ABHD3: variants seen among roughly 807,000 people sequenced by gnomAD.
The protein encoded by ABHD3 is phospholipase ABHD3.
Under a neutral mutation model 48.8 loss-of-function variants are expected in ABHD3, and 46 were observed. The ratio of observed to expected loss-of-function variants is 0.94; its 90% CI spans 0.74 to 1.20. The LOEUF (loss-of-function observed/expected upper bound fraction) is 1.20, where lower values mean the gene tolerates loss of function less well. Among genes scored for constraint, ABHD3 ranks in the 50% most tolerant of loss-of-function variants. ABHD3 has a pLI of 0.00. For synonymous variants in ABHD3, 192 were observed against 183.7 expected (o/e 1.04, Z -0.36); for missense variants, 490 against 497.8 (o/e 0.98, Z 0.15).
At chr18:21,668,572 AAGGCCTGGC>A (rs2039689622) in intron 4 of ABHD3, among the ~76,000 whole-genome samples, 1 of 152,184 alleles carries the variant, frequency 6.6e-6, no homozygotes, top group Non-Finnish European at 1.5e-5. Context: ...TAAGGAAATT[AAGGCCTGGC>A]AAGGTTGAGT....
At chr18:21,685,729 G>T (rs1598548052) in intron 3 of ABHD3, among the ~76,000 whole-genome samples, 3 of 151,742 alleles carry the variant, frequency 2.0e-5, no homozygotes, top group African/African-American at 7.3e-5. Context: ...ACAGAGTCTC[G>T]CTCTATCACC....
chr18:21,656,719 A>G (rs1366701552), intron 8 of ABHD3, 142 bp downstream of exon 8: 4 of 771,448 alleles, frequency 5.2e-6, no homozygotes, highest in Non-Finnish European at 6.0e-6. Flanking sequence ...GTGATTTGAG[A>G]CATTTAGATA....
intron 4 of ABHD3, among the ~76,000 whole-genome samples, chr18:21,669,959 G>C (rs1245372086): frequency 6.6e-6 from 1 of 152,096 alleles, no homozygotes; most frequent in African/African-American, 2.4e-5. Flanking sequence ...GTGGCAGAGT[G>C]AGTCAGGAAA....
intron 8 of ABHD3, among the ~76,000 whole-genome samples, chr18:21,655,532 TCTTGA>T (rs2039326438): frequency 6.6e-6 from 1 of 152,126 alleles, no homozygotes; most frequent in South Asian, 2.1e-4. Flanking sequence ...ATTTCATATT[TCTTGA>T]CTTAAGAAAG....
At position 21,664,995 on chromosome 18, in the gene ABHD3, AGTGCAGTGAT is replaced by A. The variant is rs201256237; in HGVS notation, c.556-775_556-766del. 8.0e-3 allele frequency among the ~76,000 whole-genome samples: 1,207 copies of A among 151,572 alleles called. 13 individuals carry two copies. The highest frequency in any genetic ancestry group is 0.028 in the African/African-American group (1,158 of 41,292). The stretch of plus-strand genomic sequence containing the variant: ...AGTTTTGCTCTGTTGCCCAGGCTGG[AGTGCAGTGAT>A]GTGATCTCGGCTCACTGCAACCTCT... On this transcript the variant is annotated intron_variant, in intron 4 of 8. Coordinates refer to ENST00000289119, the MANE Select transcript of ABHD3 (RefSeq NM_138340.5).
intron 1 of ABHD3, among the ~76,000 whole-genome samples, chr18:21,704,167 G>T (rs2040581984): frequency 6.6e-6 from 1 of 152,254 alleles, no homozygotes; most frequent in Non-Finnish European, 1.5e-5. Context: ...GATTACAGGC[G>T]TGAGCCACCG....
chr18:21,686,462 G>A (rs112581349), intron 3 of ABHD3, among the ~76,000 whole-genome samples: 7 of 152,324 alleles, frequency 4.6e-5, no homozygotes, highest in South Asian at 4.1e-4. Flanking sequence ...GAACACTAGT[G>A]ACGGGAAAGA....
intron 3 of ABHD3, among the ~76,000 whole-genome samples, chr18:21,700,827 CAA>C (rs375239917): frequency 6.4e-5 from 6 of 94,386 alleles, no homozygotes; most frequent in African/African-American, 7.0e-5. Flanking sequence ...AAGTTTTAGC[CAA>C]AAAAAAAAAA....
At chr18:21,664,785 CACAA>C (rs1166840675) in intron 4 of ABHD3, among the ~76,000 whole-genome samples, 1 of 151,968 alleles carries the variant, frequency 6.6e-6, no homozygotes, top group Admixed American at 6.6e-5. Flanking sequence ...TATAGGCCAC[CACAA>C]ACAGATTTTT....
intron 4 of ABHD3, among the ~76,000 whole-genome samples, chr18:21,672,601 C>G (rs762408228): frequency 1.3e-5 from 2 of 152,078 alleles, no homozygotes; most frequent in Non-Finnish European, 2.9e-5. Context: ...GTGGGCCTCC[C>G]CAAGAGGAAC....
chr18:21,677,981 A>G lies in ABHD3; in HGVS notation c.555+5939T>C, dbSNP rs145756755. Among the ~76,000 whole-genome samples, 1,012 of 151,360 alleles carry G rather than the reference A, an allele frequency of 6.7e-3. 9 individuals carry two copies. Among genetic ancestry groups the G allele is most frequent in the African/African-American group, 0.02 (826 of 41,192 alleles). On this transcript the variant is annotated intron_variant, in intron 4 of 8. Transcript: ENST00000289119. ...CCCAACCTATTTTTATTTTTTAGAG[A>G]CAGGGTCTCTGTTGCCCAAGCTGGA...
chr18:21,696,458 G>GT, intron 3 of ABHD3, among the ~76,000 whole-genome samples: 1 of 152,036 alleles, frequency 6.6e-6, no homozygotes, highest in African/African-American at 2.4e-5. Context: ...CTTTCTCCTT[G>GT]TTTTTGTTGT....
chr18:21,683,947 G>A lies in ABHD3; in HGVS notation c.528C>T (p.Asn176=). 6.2e-7 allele frequency: 1 copy of A among 1,601,054 alleles called. No individual in the cohort carries two copies. Among genetic ancestry groups the A allele is most frequent in the Non-Finnish European group, 8.5e-7 (1 of 1,173,042 alleles). ...ELGYRCVVFN[N]RGVAGENLLT... ...AGAGATTCTCCCCCGCCACTCCTCT[G>A]TTGTTAAAAACCACACATCTAAAAA... is the stretch of plus-strand genomic sequence containing the variant. The change falls in exon 4 of 9, where the codon AAC becomes AAT. Residue 176 remains asparagine (N), a synonymous_variant. Transcript: ENST00000289119.
intron 2 of ABHD3, among the ~76,000 whole-genome samples, chr18:21,702,874 G>A (rs2040543351): frequency 6.6e-6 from 1 of 152,178 alleles, no homozygotes; most frequent in Non-Finnish European, 1.5e-5. Context: ...TCTGACCACT[G>A]CTCTAGCTCT....
rs150746310 is a variant in ABHD3, at chr18:21,704,716, CGAGCGGGCGA to C, written c.-61_-52del. On this transcript the variant is annotated 5_prime_UTR_variant, in exon 1 of 9. Transcript: ENST00000289119. ...CTGCGGCGGGAGGAGAGCCGGCTGG[CGAGCGGGCGA>C]GAGCGGGCGAGAGCGGACGCGGCGC... is the stretch of plus-strand genomic sequence containing the variant. The C allele has an allele frequency of 1.5e-4, 201 of 1,317,318 alleles. No homozygotes were observed. Among genetic ancestry groups the C allele is most frequent in the Middle Eastern group, 4.7e-4 (2 of 4,230 alleles). 81.6% of individuals were successfully genotyped at this position (1,317,318 alleles called of 1,614,324 possible). A position where few individuals can be genotyped will look rare whatever the true frequency, so the allele number is the denominator to read the frequency against.
intron 8 of ABHD3, among the ~76,000 whole-genome samples, chr18:21,655,381 G>A (rs1036992369): frequency 4.0e-5 from 6 of 150,902 alleles, no homozygotes; most frequent in African/African-American, 1.5e-4. Context: ...TCCGCCTCCT[G>A]GTTCAAGCAA....
At chr18:21,659,380 T>C (rs2039432296) in intron 5 of ABHD3, 37 bp from the exon 6 acceptor site, 2 of 1,577,200 alleles carry the variant, frequency 1.3e-6, no homozygotes, top group South Asian at 2.3e-5. Context: ...AGTGATTAAT[T>C]TGTTGTATCA....
At chr18:21,678,167 C>T (rs1295806836) in intron 4 of ABHD3, among the ~76,000 whole-genome samples, 1 of 151,354 alleles carries the variant, frequency 6.6e-6, no homozygotes, top group Non-Finnish European at 1.5e-5. Flanking sequence ...GTTGCCTAGA[C>T]TGGTCCTGAA....
intron 4 of ABHD3, among the ~76,000 whole-genome samples, chr18:21,670,353 C>G (rs548955512): frequency 4.3e-4 from 66 of 152,302 alleles, no homozygotes; most frequent in African/African-American, 1.5e-3. Flanking sequence ...TGCCACAAAA[C>G]TGGTTAACTC....
Sources: allele counts gnomAD v4.1 joint callset (sites outside exome capture counted in the v4.1 genomes callset), GRCh38; gene constraint gnomAD v4.1.1; transcripts MANE v1.5; gene names NCBI Gene and HGNC (gene_info 2026-07-23, HGNC 2026-07-21).